The following CPS1 variants were observed in gnomAD, a reference collection of about 807,000 sequenced individuals.
CPS1 encodes the protein carbamoyl-phosphate synthase 1, also known as carbamoyl-phosphate synthase [ammonia], mitochondrial.
CPS1 carries 109 observed loss-of-function variants against 174.6 expected under a neutral mutation model. The observed-to-expected ratio is 0.62, with a 90% CI of 0.53 to 0.73. CPS1 has a LOEUF of 0.73. CPS1 is among the 30% of genes least tolerant of loss of function. The pLI, the probability that CPS1 is intolerant of heterozygous loss-of-function variation, is 0.00. For missense variants in CPS1, 1,689 were observed against 1,821.9 expected, an observed-to-expected ratio of 0.93 and a Z score of 1.33; for synonymous variants, 637 against 632.0, an observed-to-expected ratio of 1.01 and a Z score of -0.12.
At chr2:210,560,438 A>G (rs1697061183) in intron 1 of CPS1, among the ~76,000 whole-genome samples, 1 of 152,142 alleles carries the variant, frequency 6.6e-6, no homozygotes, top group South Asian at 2.1e-4. Context: ...AAAGTATTAA[A>G]TTGTAAAGCT....
At chr2:210,559,937 T>C (rs904171586) in intron 1 of CPS1, among the ~76,000 whole-genome samples, 1 of 152,098 alleles carries the variant, frequency 6.6e-6, no homozygotes, top group Admixed American at 6.6e-5. Flanking sequence ...TAAAAAAAAA[T>C]TCCATTCTAT....
chr2:210,520,360 A>G (rs1209662914), intron 1 of CPS1, among the ~76,000 whole-genome samples: 3 of 151,968 alleles, frequency 2.0e-5, no homozygotes, highest in African/African-American at 7.3e-5. Context: ...GGTTTGTTAC[A>G]TAGGTATATA....
At chr2:210,549,824 T>G (rs1696676076) in intron 1 of CPS1, among the ~76,000 whole-genome samples, 1 of 152,062 alleles carries the variant, frequency 6.6e-6, no homozygotes, top group African/African-American at 2.4e-5. Flanking sequence ...TTTCCTGATA[T>G]ACAATGTCTG....
intron 19 of CPS1, among the ~76,000 whole-genome samples, chr2:210,610,376 C>T (rs753352665): frequency 3.4e-4 from 52 of 151,764 alleles, no homozygotes; most frequent in Non-Finnish European, 7.1e-4. Context: ...CAAACATTTC[C>T]TGAGTTCTTA....
rs772497399 is a variant in CPS1, at chr2:210,595,535, G to T, written c.1312G>T (p.Ala438Ser). Residue 438 changes from alanine (A) to serine (S), a missense_variant, in exon 13 of 38, where the codon GCT (alanine) becomes TCT (serine). Ala to Ser is a moderately conservative substitution (Grantham distance 99). Transcript: ENST00000233072. Reference protein sequence around the residue: ...LGSGGLSIGQAGEFDYSGSQA... With the variant: ...LGSGGLSIGQSGEFDYSGSQA... Reference sequence around the variant, plus strand: ...ATCAGGAGGTCTGTCCATTGGTCAGGCTGGAGAATTTGATTACTCAGGATC... The same window carrying T: ...ATCAGGAGGTCTGTCCATTGGTCAGTCTGGAGAATTTGATTACTCAGGATC... 10 of 1,611,504 alleles carry T rather than the reference G, an allele frequency of 6.2e-6. No homozygotes were observed. The highest frequency in any genetic ancestry group is 6.8e-6 in the Non-Finnish European group (8 of 1,178,460).
At chr2:210,632,525 G>A (rs1025003074) in intron 21 of CPS1, among the ~76,000 whole-genome samples, 12 of 152,206 alleles carry the variant, frequency 7.9e-5, no homozygotes, top group African/African-American at 2.9e-4. Context: ...AGCCAGCCTG[G>A]TGTTACACCA....
chr2:210,624,372 T>C (rs543898851), intron 21 of CPS1, among the ~76,000 whole-genome samples: 2 of 152,240 alleles, frequency 1.3e-5, no homozygotes, highest in South Asian at 4.1e-4. Flanking sequence ...TACCAGTTAT[T>C]ACATATTACC....
chr2:210,535,719 A>G (rs1223456963), intron 1 of CPS1, among the ~76,000 whole-genome samples: 1 of 152,084 alleles, frequency 6.6e-6, no homozygotes, highest in Non-Finnish European at 1.5e-5. Flanking sequence ...GGAAGAAAAT[A>G]CATCTGCTAA....
chr2:210,496,085 C>G (rs1204440997), intron 1 of CPS1, among the ~76,000 whole-genome samples: 1 of 151,954 alleles, frequency 6.6e-6, no homozygotes, highest in African/African-American at 2.4e-5. Context: ...CTATTTTTGC[C>G]AACATGCCCT....
At position 210,590,913 on chromosome 2, in the gene CPS1, T is replaced by A. The variant is rs776454212; in HGVS notation, c.947+7T>A. 1 of 1,608,466 alleles carries A rather than the reference T, an allele frequency of 6.2e-7. No homozygotes were observed. The highest frequency in any genetic ancestry group is 2.2e-5 in the East Asian group (1 of 44,654). ...AGATGTCCATGGCCAACAGGTGAGGTATTTTCACTTTTGCTTACAGTAAAC... is the reference window on the plus strand; with the variant it reads ...AGATGTCCATGGCCAACAGGTGAGGAATTTTCACTTTTGCTTACAGTAAAC... On this transcript the variant is annotated splice_region_variant and intron_variant, in intron 9 of 37. Transcript: ENST00000233072.
chr2:210,621,667 C>T (rs1699534127), intron 21 of CPS1, among the ~76,000 whole-genome samples: 1 of 152,018 alleles, frequency 6.6e-6, no homozygotes, highest in Non-Finnish European at 1.5e-5. Context: ...ATGTAAAGAT[C>T]TCCTGCCTGG....
intron 21 of CPS1, among the ~76,000 whole-genome samples, chr2:210,625,061 G>A (rs1699655340): frequency 6.6e-6 from 1 of 151,954 alleles, no homozygotes; most frequent in Non-Finnish European, 1.5e-5. Flanking sequence ...TTTATTAGGA[G>A]CTGGTATTAG....
At chr2:210,642,406 G>C in intron 24 of CPS1, 78 bp from the exon 25 acceptor site, 1 of 1,513,654 alleles carries the variant, frequency 6.6e-7, no homozygotes, top group South Asian at 1.1e-5. Context: ...GGACTGACTG[G>C]TGATACATTT....
At chr2:210,642,773 G>A (rs1700270551) in intron 25 of CPS1, 108 bp downstream of exon 25, 1 of 1,038,272 alleles carries the variant, frequency 9.6e-7, no homozygotes, top group Non-Finnish European at 1.4e-6. Context: ...ATTCCTCTTA[G>A]AAGAAAGGGC....
chr2:210,553,273 G>T (rs965043582), upstream of CPS1, among the ~76,000 whole-genome samples: 1 of 151,818 alleles, frequency 6.6e-6, no homozygotes, highest in Non-Finnish European at 1.5e-5. Context: ...CAGAGATTAT[G>T]TTTGTGTGGT....
intron 33 of CPS1, among the ~76,000 whole-genome samples, chr2:210,666,107 G>T (rs1425301815): frequency 1.3e-5 from 2 of 151,870 alleles, no homozygotes; most frequent in Non-Finnish European, 2.9e-5. Context: ...TGTGTCTTTT[G>T]GCTGCATAAA....
At chr2:210,494,930 G>A (rs550182472) in intron 1 of CPS1, among the ~76,000 whole-genome samples, 1 of 152,302 alleles carries the variant, frequency 6.6e-6, no homozygotes, top group Non-Finnish European at 1.5e-5. Context: ...ATGGCTTTCA[G>A]CTATGGCTGC....
At chr2:210,579,656 C>A (rs1415515348) in intron 4 of CPS1, 58 bp from the exon 5 acceptor site, 7 of 1,388,582 alleles carry the variant, frequency 5.0e-6, no homozygotes, top group Non-Finnish European at 7.2e-6. Context: ...AACTTGAAAA[C>A]AATATGCTGG....
At chr2:210,610,471 A>T (rs190572467) in intron 19 of CPS1, among the ~76,000 whole-genome samples, 14 of 152,132 alleles carry the variant, frequency 9.2e-5, no homozygotes, top group African/African-American at 2.9e-4. Context: ...TAAATTCAGA[A>T]TACCTAAACT....
Sources: allele counts gnomAD v4.1 joint callset (sites outside exome capture counted in the v4.1 genomes callset), GRCh38; gene constraint gnomAD v4.1.1; transcripts MANE v1.5; gene names NCBI Gene and HGNC (gene_info 2026-07-23, HGNC 2026-07-21).